DLG2: variants seen among roughly 807,000 people sequenced by gnomAD.
DLG2 encodes the protein discs large MAGUK scaffold protein 2, also known as disks large homolog 2.
Under a neutral mutation model 132.5 loss-of-function variants are expected in DLG2, and 45 were observed. That is an observed-to-expected ratio of 0.34 (90% CI 0.27 to 0.44). The LOEUF (loss-of-function observed/expected upper bound fraction) is 0.44. Ranked by LOEUF, DLG2 falls within the 20% of genes least tolerant of loss-of-function variation. The pLI is 1.00. For synonymous variants in DLG2, 424 were observed against 419.6 expected (o/e 1.01, Z -0.13); for missense variants, 1,045 against 1,196.9 (o/e 0.87, Z 1.87).
intron 6 of DLG2, among the ~76,000 whole-genome samples, chr11:84,564,300 AG>A (rs1213404296): frequency 6.6e-6 from 1 of 152,214 alleles, no homozygotes; most frequent in Non-Finnish European, 1.5e-5. Flanking sequence ...GTGAGCAAGA[AG>A]CTGTCTAAAG....
At chr11:84,874,352 A>C (rs1196752692) in intron 6 of DLG2, among the ~76,000 whole-genome samples, 1 of 152,198 alleles carries the variant, frequency 6.6e-6, no homozygotes, top group African/African-American at 2.4e-5. Flanking sequence ...GGCAAGAAGC[A>C]TGTGCAAAGA....
intron 6 of DLG2, among the ~76,000 whole-genome samples, chr11:84,541,271 C>T (rs1038533092): frequency 1.3e-5 from 2 of 151,822 alleles, no homozygotes; most frequent in African/African-American, 4.8e-5. Flanking sequence ...GGAGTAGAGG[C>T]AGGATAGGTG....
intron 15 of DLG2, among the ~76,000 whole-genome samples, chr11:83,890,552 G>T (rs2069485189): frequency 6.6e-6 from 1 of 152,114 alleles, no homozygotes. Flanking sequence ...CAATGGACTT[G>T]GGTTAAGAAT....
At chr11:84,745,600 T>G (rs1343238046) in intron 6 of DLG2, among the ~76,000 whole-genome samples, 1 of 152,206 alleles carries the variant, frequency 6.6e-6, no homozygotes, top group Non-Finnish European at 1.5e-5. Context: ...CAGTTCATAT[T>G]AGAATTCTAA....
chr11:84,252,491 C>T (rs2097399067), intron 7 of DLG2, among the ~76,000 whole-genome samples: 1 of 152,050 alleles, frequency 6.6e-6, no homozygotes, highest in African/African-American at 2.4e-5. Context: ...CTAGATAGAA[C>T]ATTGACAGTC....
chr11:84,219,282 T>C (rs1006236473), intron 8 of DLG2, among the ~76,000 whole-genome samples: 5 of 152,222 alleles, frequency 3.3e-5, no homozygotes, highest in African/African-American at 1.2e-4. Context: ...GAACTAGAAC[T>C]TGAAGTCAAG....
chr11:84,445,915 CAA>C (rs58758315), intron 7 of DLG2, among the ~76,000 whole-genome samples: 793 of 59,822 alleles, frequency 0.013, 7 homozygotes, highest in African/African-American at 0.039. Flanking sequence ...GACTTCGCCT[CAA>C]AAAAAAAAAA....
chr11:84,123,665 A>G (rs1410848653), intron 9 of DLG2, among the ~76,000 whole-genome samples: 1 of 152,222 alleles, frequency 6.6e-6, no homozygotes, highest in African/African-American at 2.4e-5. Context: ...AAGTGCTCCA[A>G]AAAGTTAAGC....
chr11:84,030,559 T>C (rs2095663801), intron 11 of DLG2, among the ~76,000 whole-genome samples: 1 of 152,160 alleles, frequency 6.6e-6, no homozygotes, highest in Admixed American at 6.6e-5. Context: ...GAATTAACAA[T>C]ATTTTTATCT....
chr11:85,370,342 A>G (rs1221799033), intron 3 of DLG2, among the ~76,000 whole-genome samples: 6 of 152,222 alleles, frequency 3.9e-5, no homozygotes, highest in Non-Finnish European at 7.3e-5. Flanking sequence ...CCTAGAGTTA[A>G]AGGATTGTTT....
chr11:84,884,432 T>C (rs61897911), intron 6 of DLG2, among the ~76,000 whole-genome samples: 5,341 of 152,186 alleles, frequency 0.035, 118 homozygotes, highest in Non-Finnish European at 0.054. Context: ...TTGAATTCAA[T>C]TAAAAGGAAC....
chr11:84,438,063 G>A (rs982869946), intron 7 of DLG2, among the ~76,000 whole-genome samples: 8 of 152,116 alleles, frequency 5.3e-5, no homozygotes, highest in African/African-American at 1.9e-4. Flanking sequence ...GGCACAAACA[G>A]GTGTCCCTGG....
chr11:84,464,120 C>T (rs1212845456), intron 7 of DLG2, among the ~76,000 whole-genome samples: 2 of 151,164 alleles, frequency 1.3e-5, no homozygotes, highest in South Asian at 2.1e-4. Context: ...TTGACCGATT[C>T]GACAGACATT....
intron 17 of DLG2, among the ~76,000 whole-genome samples, chr11:83,808,418 A>G (rs568761163): frequency 6.6e-6 from 1 of 152,240 alleles, no homozygotes; most frequent in Admixed American, 6.5e-5. Flanking sequence ...GCTCTGCCAC[A>G]TCTTGTGAGA....
chr11:84,405,088 T>C lies in DLG2; in HGVS notation c.519+129482A>G, dbSNP rs563589102. ...AATAAGGAAGAGGGGGGAGAATAATTCATAAATAGGGACAGGCAAAGGACA... is the reference window on the plus strand; with the variant it reads ...AATAAGGAAGAGGGGGGAGAATAATCCATAAATAGGGACAGGCAAAGGACA... On this transcript the variant is annotated intron_variant, in intron 7 of 27. Coordinates refer to ENST00000376104, the MANE Select transcript of DLG2 (RefSeq NM_001142699.3). Among the ~76,000 whole-genome samples the C allele has an allele frequency of 1.1e-4, 16 of 152,262 alleles. No individual in the cohort carries two copies. The South Asian group carries it at 1.2e-3, about 12-fold the overall frequency.
chr11:83,468,832 G>A (rs2091585041), intron 25 of DLG2, among the ~76,000 whole-genome samples: 1 of 152,092 alleles, frequency 6.6e-6, no homozygotes, highest in Admixed American at 6.5e-5. Flanking sequence ...AGGATGTCAA[G>A]TTTTCAGAGA....
At chr11:84,645,156 G>A (rs2099673084) in intron 6 of DLG2, among the ~76,000 whole-genome samples, 1 of 152,144 alleles carries the variant, frequency 6.6e-6, no homozygotes, top group African/African-American at 2.4e-5. Flanking sequence ...GGTTATGAAG[G>A]GAGACAGGCT....
At chr11:84,965,645 G>A (rs926208746) in intron 6 of DLG2, among the ~76,000 whole-genome samples, 3 of 151,986 alleles carry the variant, frequency 2.0e-5, no homozygotes, top group African/African-American at 7.2e-5. Context: ...ATGGGCCTAC[G>A]GAAAGTGAGG....
At chr11:84,625,373 C>G (rs536611128) in intron 6 of DLG2, among the ~76,000 whole-genome samples, 1 of 152,272 alleles carries the variant, frequency 6.6e-6, no homozygotes, top group African/African-American at 2.4e-5. Flanking sequence ...CTCCATTTCT[C>G]CTGAACAAGC....
Sources: allele counts gnomAD v4.1 joint callset (sites outside exome capture counted in the v4.1 genomes callset), GRCh38; gene constraint gnomAD v4.1.1; transcripts MANE v1.5; gene names NCBI Gene and HGNC (gene_info 2026-07-23, HGNC 2026-07-21).